Variants in RSRC1 observed in about 807,000 individuals in gnomAD.
RSRC1 encodes arginine and serine rich coiled-coil 1.
A neutral mutation model predicts 49.1 loss-of-function variants in RSRC1; 39 were observed. The observed-to-expected ratio is 0.79, with a 90% CI of 0.61 to 1.04. The LOEUF (loss-of-function observed/expected upper bound fraction) is 1.04. Among genes scored for constraint, RSRC1 ranks in the 50% least tolerant of loss-of-function variants. The pLI is 0.00. For synonymous variants in RSRC1, 143 were observed against 130.8 expected (o/e 1.09, Z -0.63); for missense variants, 388 against 402.4 (o/e 0.96, Z 0.31).
At chr3:158,536,421 C>T (rs1712716795) in intron 7 of RSRC1, among the ~76,000 whole-genome samples, 1 of 151,376 alleles carries the variant, frequency 6.6e-6, no homozygotes, top group African/African-American at 2.4e-5. Context: ...TACTTACCAA[C>T]CCAGTGCAAT....
At chr3:158,494,664 A>T (rs1037791603) in intron 7 of RSRC1, among the ~76,000 whole-genome samples, 12 of 152,182 alleles carry the variant, frequency 7.9e-5, no homozygotes, top group African/African-American at 2.9e-4. Flanking sequence ...TTATACCTTT[A>T]TTCTTTAAGC....
chr3:158,325,626 CTGTAGCCT>C (rs1407423851), intron 5 of RSRC1, among the ~76,000 whole-genome samples: 3 of 152,180 alleles, frequency 2.0e-5, no homozygotes, highest in Non-Finnish European at 4.4e-5. Context: ...GTTTTGGTTA[CTGTAGCCT>C]TGTAGTATTG....
At chr3:158,128,599 T>C (rs1715787244) in intron 3 of RSRC1, among the ~76,000 whole-genome samples, 1 of 152,120 alleles carries the variant, frequency 6.6e-6, no homozygotes, top group African/African-American at 2.4e-5. Flanking sequence ...ACCCCTCATA[T>C]CACCTCACCT....
chr3:158,271,608 C>A, intron 4 of RSRC1, among the ~76,000 whole-genome samples: 1 of 151,822 alleles, frequency 6.6e-6, no homozygotes, highest in Non-Finnish European at 1.5e-5. Flanking sequence ...AATATTTTTG[C>A]AAAAATAATT....
chr3:158,387,292 A>G (rs1733016872), intron 6 of RSRC1, among the ~76,000 whole-genome samples: 1 of 152,204 alleles, frequency 6.6e-6, no homozygotes, highest in East Asian at 1.9e-4. Flanking sequence ...TTTGGGATTT[A>G]TCTATGGCAT....
At position 158,469,274 on chromosome 3, in the gene RSRC1, CAAGAATTAT is replaced by C. The variant is rs1187183551; in HGVS notation, c.652+8274_652+8282del. On this transcript the variant is annotated intron_variant, in intron 7 of 9. Transcript: ENST00000611884. Reference sequence around the variant, plus strand: ...ATAGTTAACTAGTTTAAAAGATGGCCAAGAATTATAATTTTATAATAGTTATTTAATTCA... The same window carrying C: ...ATAGTTAACTAGTTTAAAAGATGGCCAATTTTATAATAGTTATTTAATTCA... 1.4e-5 allele frequency: 5 copies of C among 368,632 alleles called. No individual in the cohort carries two copies. In the East Asian group the frequency reaches 4.1e-4, roughly 30 times the overall value. The allele number at this position is 368,632 out of a possible 1,614,324, so 22.8% of individuals were successfully genotyped here.
At chr3:158,316,744 G>A (rs1002720055) in intron 5 of RSRC1, among the ~76,000 whole-genome samples, 35 of 152,030 alleles carry the variant, frequency 2.3e-4, no homozygotes, top group African/African-American at 7.2e-4. Context: ...GCGCCCGGCA[G>A]AATCTCTCAT....
intron 3 of RSRC1, among the ~76,000 whole-genome samples, chr3:158,134,975 AC>A (rs1292208614): frequency 6.6e-6 from 1 of 152,208 alleles, no homozygotes; most frequent in Non-Finnish European, 1.5e-5. Context: ...CAGGTGACTT[AC>A]ATCAGTGGTG....
chr3:158,358,896 A>ATG (rs1472565704), intron 6 of RSRC1, among the ~76,000 whole-genome samples: 9 of 136,422 alleles, frequency 6.6e-5, no homozygotes, highest in Non-Finnish European at 9.3e-5. Flanking sequence ...ATGTGTGTGT[A>ATG]TGTGTGTATA....
intron 5 of RSRC1, among the ~76,000 whole-genome samples, chr3:158,328,414 G>T (rs949168668): frequency 4.0e-4 from 59 of 145,992 alleles, no homozygotes; most frequent in African/African-American, 1.4e-3. Context: ...AGGAGCTCTT[G>T]TAGGGCAGGC....
chr3:158,284,990 T>C (rs144794318), intron 4 of RSRC1, among the ~76,000 whole-genome samples: 6 of 152,202 alleles, frequency 3.9e-5, no homozygotes, highest in Admixed American at 6.5e-5. Flanking sequence ...CTGAATGGTA[T>C]TGCCTAGGTT....
chr3:158,368,974 T>C (rs1731923383), intron 6 of RSRC1, among the ~76,000 whole-genome samples: 1 of 152,102 alleles, frequency 6.6e-6, no homozygotes, highest in South Asian at 2.1e-4. Flanking sequence ...ATGAAAAATA[T>C]AGCCTTTATG....
chr3:158,531,357 T>G (rs1023289258), intron 7 of RSRC1, among the ~76,000 whole-genome samples: 5 of 151,838 alleles, frequency 3.3e-5, no homozygotes, highest in Non-Finnish European at 7.4e-5. Flanking sequence ...AATGAGACAT[T>G]TAGTGTGGAT....
intron 6 of RSRC1, among the ~76,000 whole-genome samples, chr3:158,373,655 G>A (rs1266578208): frequency 6.6e-6 from 1 of 151,626 alleles, no homozygotes; most frequent in Non-Finnish European, 1.5e-5. Context: ...ATATATTATA[G>A]CTTATATTCA....
At chr3:158,133,367 A>G (rs904569353) in intron 3 of RSRC1, among the ~76,000 whole-genome samples, 1 of 152,200 alleles carries the variant, frequency 6.6e-6, no homozygotes, top group Non-Finnish European at 1.5e-5. Flanking sequence ...TATTGAGGAC[A>G]TATCTTAAAA....
At chr3:158,330,846 T>G (rs1388722661) in intron 5 of RSRC1, among the ~76,000 whole-genome samples, 4 of 151,530 alleles carry the variant, frequency 2.6e-5, no homozygotes. Context: ...TAGTCTGTTC[T>G]CATGCTGCTA....
chr3:158,464,308 A>T (rs1250152979), intron 7 of RSRC1, among the ~76,000 whole-genome samples: 2 of 152,130 alleles, frequency 1.3e-5, no homozygotes, highest in Non-Finnish European at 2.9e-5. Context: ...AATCCATTGT[A>T]AGCATAGTAG....
chr3:158,377,573 A>C (rs1162477016), intron 6 of RSRC1, among the ~76,000 whole-genome samples: 1 of 152,086 alleles, frequency 6.6e-6, no homozygotes, highest in Non-Finnish European at 1.5e-5. Context: ...TATTAGGGGC[A>C]GATGCTGGCC....
chr3:158,440,216 A>G (rs1203704340), intron 6 of RSRC1, among the ~76,000 whole-genome samples: 3 of 151,952 alleles, frequency 2.0e-5, no homozygotes, highest in African/African-American at 7.2e-5. Flanking sequence ...AGTGTAAAGG[A>G]TATGAGATGA....
Sources: gnomAD v4.1 joint callset for allele counts (sites outside exome capture counted in the v4.1 genomes callset) on GRCh38, gnomAD v4.1.1 for gene constraint, MANE v1.5 for transcripts, NCBI Gene and HGNC (gene_info 2026-07-23, HGNC 2026-07-21) for gene names.